Variants in IQCJ observed in about 807,000 individuals in gnomAD.
IQCJ encodes IQ domain-containing protein J.
A neutral mutation model predicts 11.0 loss-of-function variants in IQCJ; 9 were observed. The ratio of observed to expected loss-of-function variants is 0.82; its 90% confidence interval spans 0.49 to 1.43. The LOEUF (loss-of-function observed/expected upper bound fraction) is 1.43. Among genes scored for constraint, IQCJ ranks in the 40% most tolerant of loss-of-function variants. The pLI is 0.00. For missense variants in IQCJ, 146 were observed against 133.2 expected (o/e 1.10, Z -0.47); for synonymous variants, 55 against 51.3 (o/e 1.07, Z -0.31).
intron 1 of IQCJ, among the ~76,000 whole-genome samples, chr3:159,133,754 A>G (rs547380289): frequency 1.3e-5 from 2 of 152,298 alleles, no homozygotes; most frequent in South Asian, 4.1e-4. Flanking sequence ...CCACCTTAGT[A>G]GAGTGGAAGG....
chr3:159,248,667 T>G (rs1727412804), intron 2 of IQCJ, among the ~76,000 whole-genome samples: 1 of 152,174 alleles, frequency 6.6e-6, no homozygotes, highest in Non-Finnish European at 1.5e-5. Context: ...CTGGAATCAG[T>G]ATTTCTTAAC....
chr3:159,206,921 A>G (rs1724688489), intron 1 of IQCJ, among the ~76,000 whole-genome samples: 1 of 152,204 alleles, frequency 6.6e-6, no homozygotes, highest in African/African-American at 2.4e-5. Context: ...TTGAAGTTTG[A>G]AAGGTACTGT....
At chr3:159,090,380 G>A (rs1250212368) in intron 1 of IQCJ, among the ~76,000 whole-genome samples, 2 of 151,840 alleles carry the variant, frequency 1.3e-5, no homozygotes, top group Non-Finnish European at 2.9e-5. Flanking sequence ...CGCTCACGCT[G>A]GGAGCTGTAG....
chr3:159,090,857 T>C (rs1343044632), intron 1 of IQCJ, among the ~76,000 whole-genome samples: 1 of 151,874 alleles, frequency 6.6e-6, no homozygotes, highest in Non-Finnish European at 1.5e-5. Flanking sequence ...TGTTCAGTTG[T>C]CTGGTTTCAT....
In IQCJ at chr3:159,076,952, G is replaced by T. The variant is rs73874794; in HGVS notation, c.9+7511G>T. ...GGTTGGGAATTATAGGAGACTTAAGGTATATAAAGTACTTAGAACAGTGCC... is the reference window on the plus strand; with the variant it reads ...GGTTGGGAATTATAGGAGACTTAAGTTATATAAAGTACTTAGAACAGTGCC... On this transcript the variant is annotated intron_variant, in intron 1 of 3. Transcript: ENST00000397832. Among the ~76,000 whole-genome samples, 1,457 of 152,130 alleles carry T rather than the reference G, an allele frequency of 9.6e-3. 20 individuals carry two copies. The highest frequency in any genetic ancestry group is 0.034 in the African/African-American group (1,411 of 41,518).
At chr3:159,090,374 C>G (rs1053412268) in intron 1 of IQCJ, among the ~76,000 whole-genome samples, 1 of 151,876 alleles carries the variant, frequency 6.6e-6, no homozygotes. Context: ...CTGCGTCGCT[C>G]ACGCTGGGAG....
At chr3:159,069,533 T>C in intron 1 of IQCJ, 92 bp downstream of exon 1, 5 of 1,520,696 alleles carry the variant, frequency 3.3e-6, no homozygotes, top group South Asian at 1.3e-5. Context: ...TGAATTAACA[T>C]GTATGCAAAA....
chr3:159,232,179 T>A (rs1726295897), intron 1 of IQCJ, among the ~76,000 whole-genome samples: 1 of 152,138 alleles, frequency 6.6e-6, no homozygotes, highest in South Asian at 2.1e-4. Context: ...TGCTAGCTTT[T>A]GAATTTGTTT....
At chr3:159,175,545 A>C (rs1722748658) in intron 1 of IQCJ, among the ~76,000 whole-genome samples, 2 of 152,148 alleles carry the variant, frequency 1.3e-5, no homozygotes. Flanking sequence ...TTCGTGGTCA[A>C]TTCCCTTTCC....
At chr3:159,185,476 A>G (rs775740773) in intron 1 of IQCJ, among the ~76,000 whole-genome samples, 1 of 152,234 alleles carries the variant, frequency 6.6e-6, no homozygotes, top group African/African-American at 2.4e-5. Context: ...TTGTTAGACC[A>G]TTGTCATATT....
chr3:159,157,189 G>T (rs970370380), intron 1 of IQCJ, among the ~76,000 whole-genome samples: 3 of 152,218 alleles, frequency 2.0e-5, no homozygotes, highest in African/African-American at 7.2e-5. Context: ...AGGGAGAAGG[G>T]TTGTTGTCCA....
At chr3:159,195,341 G>GT (rs1723922331) in intron 1 of IQCJ, among the ~76,000 whole-genome samples, 2 of 152,146 alleles carry the variant, frequency 1.3e-5, no homozygotes, top group South Asian at 4.1e-4. Context: ...CTTGACCCTG[G>GT]TTATTGGTTT....
intron 1 of IQCJ, among the ~76,000 whole-genome samples, chr3:159,158,170 G>C (rs1329933661): frequency 3.9e-5 from 6 of 151,928 alleles, no homozygotes; most frequent in African/African-American, 1.5e-4. Context: ...TGTTTTAAAG[G>C]TACTGTTTTG....
At chr3:159,229,565 A>C (rs1281674649) in intron 1 of IQCJ, among the ~76,000 whole-genome samples, 2 of 151,532 alleles carry the variant, frequency 1.3e-5, no homozygotes, top group Non-Finnish European at 2.9e-5. Flanking sequence ...CGTTTTTGTT[A>C]AACAATGAAT....
At chr3:159,265,342 G>T, downstream of IQCJ, 10 of 1,613,702 alleles carry the variant, frequency 6.2e-6, no homozygotes, top group Non-Finnish European at 8.5e-6. Context: ...AGACCCACTG[G>T]GTTCATACAT....
intron 1 of IQCJ, among the ~76,000 whole-genome samples, chr3:159,223,318 G>A (rs1452316331): frequency 6.6e-6 from 1 of 152,052 alleles, no homozygotes; most frequent in East Asian, 1.9e-4. Context: ...GCGGCCATAT[G>A]CAATTATATA....
chr3:159,091,103 T>A (rs917676327), intron 1 of IQCJ, among the ~76,000 whole-genome samples: 2 of 151,760 alleles, frequency 1.3e-5, no homozygotes, highest in Non-Finnish European at 2.9e-5. Flanking sequence ...CCTTTTTTTT[T>A]AAGAACTATA....
intron 1 of IQCJ, among the ~76,000 whole-genome samples, chr3:159,090,191 AGTCT>A (rs776219353): frequency 5.9e-5 from 9 of 151,712 alleles, no homozygotes; most frequent in Non-Finnish European, 5.9e-5. Context: ...GTGAGGTGTC[AGTCT>A]GCCCCTGCTG....
chr3:159,233,433 G>T (rs1158790274), intron 1 of IQCJ, among the ~76,000 whole-genome samples: 1 of 152,082 alleles, frequency 6.6e-6, no homozygotes, highest in Non-Finnish European at 1.5e-5. Flanking sequence ...GGCAAAACTG[G>T]GTAACTAATG....
Sources: gnomAD v4.1 joint callset for allele counts (sites outside exome capture counted in the v4.1 genomes callset) on GRCh38, gnomAD v4.1.1 for gene constraint, MANE v1.5 for transcripts, NCBI Gene and HGNC (gene_info 2026-07-23, HGNC 2026-07-21) for gene names.